SPIRE1: variants seen among roughly 807,000 people sequenced by gnomAD.
The protein encoded by SPIRE1 is protein spire homolog 1.
In SPIRE1, 40 loss-of-function variants were observed where a neutral mutation model predicts 94.1. The observed-to-expected ratio is 0.43, with a 90% CI of 0.33 to 0.55. The LOEUF is 0.55. Among genes scored for constraint, SPIRE1 ranks in the 20% least tolerant of loss-of-function variants. The probability of loss-of-function intolerance (pLI) is 0.06; values close to 1 mark genes in which losing one functional copy is unlikely to be tolerated. For synonymous variants in SPIRE1, 376 were observed against 371.7 expected (o/e 1.01, Z -0.13); for missense variants, 838 against 975.2 (o/e 0.86, Z 1.87).
intron 2 of SPIRE1, among the ~76,000 whole-genome samples, chr18:12,604,649 T>A (rs768599990): frequency 8.5e-5 from 13 of 152,124 alleles, no homozygotes; most frequent in Non-Finnish European, 1.8e-4. Flanking sequence ...GACCACTAGG[T>A]GCAAGACACT....
chr18:12,540,478 C>A (rs914093151), intron 3 of SPIRE1, among the ~76,000 whole-genome samples: 3 of 152,046 alleles, frequency 2.0e-5, no homozygotes, highest in East Asian at 3.9e-4. Context: ...CAGGTTCAAG[C>A]GATTCTCCTG....
At chr18:12,591,472 A>G (rs1286964057) in intron 2 of SPIRE1, among the ~76,000 whole-genome samples, 2 of 152,164 alleles carry the variant, frequency 1.3e-5, no homozygotes, top group Non-Finnish European at 2.9e-5. Context: ...GGAGTGACAC[A>G]TGACGTTACA....
At chr18:12,469,809 T>C (rs796757042) in intron 10 of SPIRE1, among the ~76,000 whole-genome samples, 32 of 149,034 alleles carry the variant, frequency 2.1e-4, no homozygotes, top group African/African-American at 7.9e-4. Context: ...TAGATGCAAC[T>C]GAGGCAAAAG....
At position 12,626,711 on chromosome 18, in the gene SPIRE1, C is replaced by T. The variant is rs147744744; in HGVS notation, c.372+8351G>A. Among the ~76,000 whole-genome samples the T allele has an allele frequency of 9.0e-4, 136 of 151,822 alleles. 1 individual carries two copies. The highest frequency in any genetic ancestry group is 3.1e-3 in the African/African-American group (127 of 41,416). ...GAAAAGTAAAGAGATAAAGTGGTTC[C>T]GCAACTTTCTGGCTATGTCGGCTTG... On this transcript the variant is annotated intron_variant, in intron 2 of 16. Coordinates refer to ENST00000409402, the MANE Select transcript of SPIRE1 (RefSeq NM_001128626.2).
intron 13 of SPIRE1, 91 bp downstream of exon 13, chr18:12,454,255 C>T (rs2031395062): frequency 1.4e-6 from 2 of 1,474,532 alleles, no homozygotes; most frequent in Admixed American, 3.5e-5. Context: ...AAGTCTGTGC[C>T]ACCTGGCTAG....
At chr18:12,550,222 A>T (rs996296178) in intron 2 of SPIRE1, among the ~76,000 whole-genome samples, 146 of 152,230 alleles carry the variant, frequency 9.6e-4, no homozygotes, top group African/African-American at 3.4e-3. Flanking sequence ...AAACCTCCCG[A>T]AAGGGCGGTA....
chr18:12,603,348 G>T (rs1467907473), intron 2 of SPIRE1, among the ~76,000 whole-genome samples: 3 of 152,036 alleles, frequency 2.0e-5, no homozygotes, highest in African/African-American at 7.3e-5. Flanking sequence ...ATACATATTT[G>T]GTCTTCATCC....
chr18:12,570,643 G>A (rs2035938643), intron 2 of SPIRE1, among the ~76,000 whole-genome samples: 1 of 152,086 alleles, frequency 6.6e-6, no homozygotes, highest in Non-Finnish European at 1.5e-5. Flanking sequence ...AGAAAACTGA[G>A]GCAGTTAATA....
intron 2 of SPIRE1, among the ~76,000 whole-genome samples, chr18:12,612,810 C>T (rs1248783864): frequency 6.6e-6 from 1 of 152,210 alleles, no homozygotes; most frequent in Non-Finnish European, 1.5e-5. Context: ...ACTGATCTCT[C>T]TGTCTGAAAT....
At chr18:12,626,169 G>A (rs934789009) in intron 2 of SPIRE1, among the ~76,000 whole-genome samples, 2 of 152,006 alleles carry the variant, frequency 1.3e-5, no homozygotes, top group African/African-American at 2.4e-5. Flanking sequence ...GTTATACTCC[G>A]TATAAAGCAG....
At position 12,535,725 on chromosome 18, in the gene SPIRE1, C is replaced by T. The variant is rs534706395; in HGVS notation, c.604-124G>A. ...TAATCCCAGCACTTTGGGAGGCCAA[C>T]GCAGGCAGATCATGAGGTCGAGAGT... On this transcript the variant is annotated intron_variant, in intron 3 of 16. Transcript: ENST00000409402. 189 of 737,458 alleles carry T rather than the reference C, an allele frequency of 2.6e-4. 1 individual carries two copies. In the African/African-American group the frequency reaches 2.7e-3, roughly 10 times the overall value. 45.7% of individuals were successfully genotyped at this position (737,458 alleles called of 1,614,324 possible).
intron 2 of SPIRE1, among the ~76,000 whole-genome samples, chr18:12,610,946 G>T (rs12963149): frequency 0.073 from 11,167 of 151,968 alleles, 571 homozygotes; most frequent in Non-Finnish European, 0.11. Context: ...CACTCTAAGT[G>T]GACTACCCTC....
chr18:12,558,725 G>C (rs1305811357), intron 2 of SPIRE1, among the ~76,000 whole-genome samples: 1 of 152,164 alleles, frequency 6.6e-6, no homozygotes, highest in East Asian at 1.9e-4. Flanking sequence ...AGATTAGCTA[G>C]ATATAGAGTG....
chr18:12,453,026 G>T, intron 14 of SPIRE1, 42 bp downstream of exon 14: 2 of 1,281,242 alleles, frequency 1.6e-6, no homozygotes, highest in South Asian at 1.4e-5. Context: ...TTTCTCTTAC[G>T]ACTGTTAAAT....
chr18:12,641,610 G>T (rs367871387), intron 1 of SPIRE1, among the ~76,000 whole-genome samples: 1 of 151,548 alleles, frequency 6.6e-6, no homozygotes, highest in Non-Finnish European at 1.5e-5. Context: ...CTCATGATCC[G>T]CCCACCTCAG....
chr18:12,644,788 G>C (rs1355668915), intron 1 of SPIRE1, among the ~76,000 whole-genome samples: 1 of 152,156 alleles, frequency 6.6e-6, no homozygotes, highest in Admixed American at 6.5e-5. Context: ...TAATTTGGAA[G>C]TATTCATCTT....
intron 2 of SPIRE1, among the ~76,000 whole-genome samples, chr18:12,597,642 G>A (rs1214628553): frequency 6.6e-6 from 1 of 152,172 alleles, no homozygotes; most frequent in African/African-American, 2.4e-5. Context: ...ATAATTTGCT[G>A]AGAATTAAAT....
intron 7 of SPIRE1, among the ~76,000 whole-genome samples, chr18:12,493,753 C>T (rs2033330011): frequency 6.6e-6 from 1 of 152,190 alleles, no homozygotes; most frequent in Admixed American, 6.5e-5. Flanking sequence ...CTGAGCCTCC[C>T]AAGTGGTTGG....
chr18:12,550,325 T>C (rs533007096), intron 2 of SPIRE1, among the ~76,000 whole-genome samples: 1 of 152,304 alleles, frequency 6.6e-6, no homozygotes, highest in East Asian at 1.9e-4. Context: ...ATCTCAGGTA[T>C]TCGTTTGGAT....
Sources: gnomAD v4.1 joint callset for allele counts (sites outside exome capture counted in the v4.1 genomes callset) on GRCh38, gnomAD v4.1.1 for gene constraint, MANE v1.5 for transcripts, NCBI Gene and HGNC (gene_info 2026-07-23, HGNC 2026-07-21) for gene names.